The following MACF1 variants were observed in gnomAD, a reference collection of about 807,000 sequenced individuals.
MACF1 encodes the protein microtubule-actin cross-linking factor 1.
In MACF1, 193 loss-of-function variants were observed where a neutral mutation model predicts 854.8. The ratio of observed to expected loss-of-function variants is 0.23; its 90% CI spans 0.20 to 0.25. The LOEUF (loss-of-function observed/expected upper bound fraction) is 0.25, where lower values mean the gene tolerates loss of function less well. Among genes scored for constraint, MACF1 ranks in the 10% least tolerant of loss-of-function variants. The probability of loss-of-function intolerance (pLI) is 1.00; values close to 1 mark genes in which losing one functional copy is unlikely to be tolerated. For synonymous variants in MACF1, 3,185 were observed against 3,226.7 expected (o/e 0.99, Z 0.44); for missense variants, 7,722 against 8,929.1 (o/e 0.86, Z 5.45).
At chr1:39,284,473 G>A (rs1172845597) in intron 11 of MACF1, 45 bp downstream of exon 11, 2 of 1,296,818 alleles carry the variant, frequency 1.5e-6, no homozygotes, top group Non-Finnish European at 2.1e-6. Flanking sequence ...TTGCTGGTCT[G>A]TACTGTTGTT....
intron 49 of MACF1, among the ~76,000 whole-genome samples, chr1:39,367,833 G>A (rs1484008122): frequency 6.6e-6 from 1 of 152,058 alleles, no homozygotes; most frequent in Non-Finnish European, 1.5e-5. Context: ...AGCTGGGCAT[G>A]GTGGCAGGAG....
chr1:39,220,168 AT>A (rs947182015), intron 1 of MACF1, among the ~76,000 whole-genome samples: 53 of 151,922 alleles, frequency 3.5e-4, no homozygotes, highest in African/African-American at 1.2e-3. Flanking sequence ...AATGTTGGAT[AT>A]TTAATGAAAA....
rs769639892 is a variant in MACF1 at position 39,411,384 on chromosome 1, G to A, written c.15817-10990G>A. The stretch of plus-strand genomic sequence containing the variant: ...AACAAGCAAACACAGCAGTGGTGGA[G>A]GATGGATCCGATTGCTTAGCTGCTG... On this transcript the variant is annotated intron_variant, in intron 58 of 100. Coordinates refer to ENST00000564288, the MANE Select transcript of MACF1 (RefSeq NM_001394062.1). The A allele has an allele frequency of 2.7e-5, 44 of 1,613,910 alleles. No individual in the cohort carries two copies. The Admixed American group carries it at 7.2e-4, about 26-fold the overall frequency.
chr1:39,392,546 C>T (rs1479999676), intron 58 of MACF1, among the ~76,000 whole-genome samples: 1 of 151,998 alleles, frequency 6.6e-6, no homozygotes, highest in Non-Finnish European at 1.5e-5. Context: ...ATACTTTTAG[C>T]ACAGAATCTG....
At chr1:39,173,919 TTC>T (rs1249574710) in intron 2 of MACF1, among the ~76,000 whole-genome samples, 5 of 152,110 alleles carry the variant, frequency 3.3e-5, no homozygotes, top group Non-Finnish European at 5.9e-5. Flanking sequence ...AGGCTGCCTT[TTC>T]TCTCTCTCTT....
chr1:39,425,817 T>C (rs1643707547), intron 61 of MACF1, among the ~76,000 whole-genome samples: 1 of 152,204 alleles, frequency 6.6e-6, no homozygotes, highest in East Asian at 1.9e-4. Context: ...GATCATTATT[T>C]TATGTACTTA....
rs1646792659 is a variant in MACF1 at position 39,335,325 on chromosome 1, G to A, written c.8737G>A (p.Ala2913Thr). The A allele has an allele frequency of 1.9e-6, 3 of 1,613,956 alleles. No individual in the cohort carries two copies. The highest frequency in any genetic ancestry group is 2.5e-6 in the Non-Finnish European group (3 of 1,179,942). ...TGATACAAATGAAGAGCAGGAAAAA[G>A]CAGTGACAAAAATAGAAATTATTTC... The part of the protein sequence containing the change: ...GNDTNEEQEK[A>T]VTKIEIISHM... Residue 2913 changes from alanine (A) to threonine (T), a missense_variant, in exon 37 of 101, where the codon GCA (alanine) becomes ACA (threonine). Coordinates refer to ENST00000564288, the MANE Select transcript of MACF1 (RefSeq NM_001394062.1).
chr1:39,095,694 A>G (rs1641920003), intron 2 of MACF1, among the ~76,000 whole-genome samples: 1 of 151,696 alleles, frequency 6.6e-6, no homozygotes, highest in South Asian at 2.1e-4. Context: ...CAGCCTGAGC[A>G]ACATAGTGAG....
intron 58 of MACF1, among the ~76,000 whole-genome samples, chr1:39,400,905 C>G (rs1166187666): frequency 6.6e-6 from 1 of 152,088 alleles, no homozygotes; most frequent in Non-Finnish European, 1.5e-5. Flanking sequence ...AGATTATTTT[C>G]TTCTTGAAAA....
At chr1:39,297,505 A>G (rs1645949340) in intron 20 of MACF1, 115 bp from the exon 21 acceptor site, 3 of 1,211,006 alleles carry the variant, frequency 2.5e-6, no homozygotes, top group Admixed American at 1.9e-5. Flanking sequence ...TCACTAATGC[A>G]GTAGGGTGTA....
intron 58 of MACF1, chr1:39,413,141 C>T (rs1643103901): frequency 6.2e-7 from 1 of 1,612,258 alleles, no homozygotes; most frequent in South Asian, 1.1e-5. Context: ...GCTGCTTTAG[C>T]TATTACAGTA....
At chr1:39,387,012 T>C (rs530465417) in intron 57 of MACF1, among the ~76,000 whole-genome samples, 175 bp from the exon 58 acceptor site, 25 of 152,360 alleles carry the variant, frequency 1.6e-4, no homozygotes, top group African/African-American at 6.0e-4. Context: ...ACAAGGTTGA[T>C]ACGAGGATTA....
intron 97 of MACF1, among the ~76,000 whole-genome samples, chr1:39,475,617 G>A (rs1242772814): frequency 2.0e-5 from 3 of 152,234 alleles, no homozygotes; most frequent in African/African-American, 4.8e-5. Flanking sequence ...GAGTACAAGG[G>A]GGCATGCACA....
chr1:39,357,482 A>G lies in MACF1; in HGVS notation c.11532A>G (p.Gln3844=). The change falls in exon 45 of 101, where the codon CAA becomes CAG. Residue 3844 remains glutamine (Q), a synonymous_variant. Transcript: ENST00000564288. The part of the protein sequence containing the change: ...QHGHNLTPEE[Q]QMLQQKLGEL... ...GCCACAATCTCACACCTGAGGAGCAACAGATGCTGCAACAGAAGCTGGGAG... is the reference window on the plus strand; with the variant it reads ...GCCACAATCTCACACCTGAGGAGCAGCAGATGCTGCAACAGAAGCTGGGAG... The G allele has an allele frequency of 6.2e-7, 1 of 1,614,206 alleles. No individual in the cohort carries two copies. Among genetic ancestry groups the G allele is most frequent in the East Asian group, 2.2e-5 (1 of 44,892 alleles).
chr1:39,448,385 G>A (rs548819263), intron 83 of MACF1, among the ~76,000 whole-genome samples: 1 of 152,234 alleles, frequency 6.6e-6, no homozygotes, highest in African/African-American at 2.4e-5. Flanking sequence ...AAAACTGTAG[G>A]CTTTCACAAA....
intron 38 of MACF1, 78 bp from the exon 39 acceptor site, chr1:39,340,424 G>C: frequency 1.0e-6 from 1 of 1,004,288 alleles, no homozygotes. Context: ...CATGGGGTGA[G>C]AGAGAAATGT....
At chr1:39,114,035 TA>T (rs35507139) in intron 2 of MACF1, among the ~76,000 whole-genome samples, 39 of 146,104 alleles carry the variant, frequency 2.7e-4, no homozygotes, top group Non-Finnish European at 2.3e-4. Context: ...GACTCCGTCT[TA>T]AAAAAAAAAA....
At chr1:39,085,620 T>C (rs942991856) in intron 2 of MACF1, among the ~76,000 whole-genome samples, 2 of 152,060 alleles carry the variant, frequency 1.3e-5, no homozygotes, top group Admixed American at 6.6e-5. Flanking sequence ...GAACACATAT[T>C]CTATTTTATG....
At chr1:39,412,080 C>G in intron 58 of MACF1, 2 of 1,614,006 alleles carry the variant, frequency 1.2e-6, no homozygotes, top group Non-Finnish European at 1.7e-6. Context: ...GACTGCTGAA[C>G]TCTGATCACA....
Sources: allele counts gnomAD v4.1 joint callset (sites outside exome capture counted in the v4.1 genomes callset), GRCh38; gene constraint gnomAD v4.1.1; transcripts MANE v1.5; gene names NCBI Gene and HGNC (gene_info 2026-07-23, HGNC 2026-07-21).